The following TEX11 variants were observed in gnomAD, a reference collection of about 807,000 sequenced individuals.
TEX11 encodes testis expressed 11.
In TEX11, 7 loss-of-function variants were observed where a neutral mutation model predicts 84.4. The ratio of observed to expected loss-of-function variants is 0.08; its 90% CI spans 0.05 to 0.16. The LOEUF is 0.16. Ranked by LOEUF, TEX11 falls within the 10% of genes least tolerant of loss-of-function variation. The pLI, the probability that TEX11 is intolerant of heterozygous loss-of-function variation, is 1.00. For missense variants in TEX11, 551 were observed against 660.5 expected, an observed-to-expected ratio of 0.83 and a Z score of 1.82; for synonymous variants, 264 against 222.8, an observed-to-expected ratio of 1.18 and a Z score of -1.64.
chrX:70,639,684 T>A (rs2147581621), intron 17 of TEX11, among the ~76,000 whole-genome samples: 1 of 111,510 alleles, frequency 9.0e-6, no homozygotes, highest in South Asian at 3.8e-4. Context: ...TGCAGGGTAC[T>A]CCAGCAGACC....
chrX:70,882,398 A>C (rs5981020), intron 2 of TEX11, among the ~76,000 whole-genome samples: 18,843 of 109,958 alleles, frequency 0.17, 1,375 homozygotes, highest in Non-Finnish European at 0.22. Context: ...GCTCACTGCA[A>C]TCTCCGCCTC....
At chrX:70,590,524 G>T (rs970519531) in intron 25 of TEX11, among the ~76,000 whole-genome samples, 1 of 111,010 alleles carries the variant, frequency 9.0e-6, no homozygotes, top group East Asian at 2.8e-4. Context: ...AGAAAAATAT[G>T]ACTATCTCCA....
intron 28 of TEX11, among the ~76,000 whole-genome samples, chrX:70,531,916 T>C (rs2087893490): frequency 8.9e-6 from 1 of 111,884 alleles, no homozygotes; most frequent in African/African-American, 3.2e-5. Context: ...AGAACAAGCA[T>C]GTCTTAGGAA....
intron 4 of TEX11, among the ~76,000 whole-genome samples, chrX:70,864,716 T>C (rs1405795021): frequency 1.1e-5 from 1 of 91,511 alleles, no homozygotes; most frequent in African/African-American, 4.2e-5. Context: ...CACTCCAGCC[T>C]GGGTGACAGA....
At chrX:70,739,413 C>CTTTTTT (rs35219972) in intron 11 of TEX11, among the ~76,000 whole-genome samples, 1 of 75,153 alleles carries the variant, frequency 1.3e-5, no homozygotes, top group African/African-American at 4.8e-5. Context: ...TATTTCATTT[C>CTTTTTT]TTTTTTTTTT....
At chrX:70,645,314 A>G (rs2089728105) in intron 17 of TEX11, among the ~76,000 whole-genome samples, 1 of 110,721 alleles carries the variant, frequency 9.0e-6, no homozygotes, top group African/African-American at 3.3e-5. Context: ...AATAAAGGCC[A>G]TATATGACCA....
chrX:70,701,828 A>G (rs2090328315), intron 13 of TEX11, among the ~76,000 whole-genome samples: 1 of 111,543 alleles, frequency 9.0e-6, no homozygotes, highest in Admixed American at 9.6e-5. Context: ...GATGACTTGG[A>G]GGGGTTCAAG....
At chrX:70,609,222 C>T (rs776902404) in intron 21 of TEX11, 45 bp from the exon 22 acceptor site, 2 of 1,091,175 alleles carry the variant, frequency 1.8e-6, no homozygotes, top group Admixed American at 2.5e-5. Context: ...TTATTTTATA[C>T]TCTAGCAAAA....
intron 5 of TEX11, among the ~76,000 whole-genome samples, chrX:70,854,408 TA>T (rs1186282027): frequency 5.6e-5 from 6 of 106,769 alleles, no homozygotes; most frequent in South Asian, 4.0e-4. Flanking sequence ...AATTTGATTT[TA>T]AAAAAAAAAG....
chrX:70,808,375 C>T (rs1469463028), intron 8 of TEX11, among the ~76,000 whole-genome samples: 3 of 107,113 alleles, frequency 2.8e-5, no homozygotes, highest in African/African-American at 6.8e-5. Context: ...TGGTGGTGGG[C>T]ACCTGTAATC....
At chrX:70,741,434 G>A (rs750293771) in intron 10 of TEX11, among the ~76,000 whole-genome samples, 1 of 111,164 alleles carries the variant, frequency 9.0e-6, no homozygotes, top group South Asian at 3.8e-4. Flanking sequence ...TGGAAGTAGA[G>A]GTGGGTATTA....
At chrX:70,828,661 G>A (rs887769799) in intron 8 of TEX11, among the ~76,000 whole-genome samples, 1 of 110,488 alleles carries the variant, frequency 9.1e-6, no homozygotes, top group Admixed American at 9.7e-5. Flanking sequence ...AAAGAGCTAT[G>A]GGTAAGAAGT....
Position 70,571,057 on chromosome X carries a change from C to T in TEX11, c.2141-16257G>A, listed in dbSNP as rs149046859. On this transcript the variant is annotated intron_variant, in intron 25 of 29. Transcript: ENST00000374333. ...GTTTTGAGACAGAGTCTTTCTCTGT[C>T]GCCCAGGCTGGATTGTAGTGGCGTG... 1.1e-3 allele frequency among the ~76,000 whole-genome samples: 126 copies of T among 111,430 alleles called. 1 individual carries two copies. In the East Asian group the frequency reaches 0.026, roughly 23 times the overall value.
chrX:70,732,628 A>G lies in TEX11; in HGVS notation c.844-7285T>C, dbSNP rs775482288. 1.5e-3 allele frequency among the ~76,000 whole-genome samples: 173 copies of G among 111,657 alleles called. 1 individual carries two copies. The highest frequency in any genetic ancestry group is 5.4e-3 in the African/African-American group (167 of 30,726). On this transcript the variant is annotated intron_variant, in intron 11 of 29. Coordinates refer to ENST00000374333, the MANE Select transcript of TEX11 (RefSeq NM_031276.3). Reference sequence around the variant, plus strand: ...AGGACCTCTTCAAGAAGAAGTACAAACCACTGCTCAATGAAATAAAAGAGG... The same window carrying G: ...AGGACCTCTTCAAGAAGAAGTACAAGCCACTGCTCAATGAAATAAAAGAGG...
chrX:70,776,213 G>A (rs1447329486), intron 9 of TEX11, among the ~76,000 whole-genome samples: 2 of 111,019 alleles, frequency 1.8e-5, no homozygotes, highest in Admixed American at 9.7e-5. Flanking sequence ...ATCAACCTAA[G>A]TGTCCATCAA....
intron 28 of TEX11, among the ~76,000 whole-genome samples, chrX:70,539,041 T>A (rs866089390): frequency 0.058 from 4,928 of 85,002 alleles, 227 homozygotes; most frequent in Non-Finnish European, 0.083. Flanking sequence ...TATATATATT[T>A]TTTTTTTTTT....
At chrX:70,777,884 G>T (rs1317168630) in intron 9 of TEX11, among the ~76,000 whole-genome samples, 1 of 111,505 alleles carries the variant, frequency 9.0e-6, no homozygotes, top group Non-Finnish European at 1.9e-5. Flanking sequence ...AATGACAATA[G>T]TTAAGTCCTT....
intron 5 of TEX11, among the ~76,000 whole-genome samples, 200 bp from the exon 6 acceptor site, chrX:70,853,528 C>G (rs1247535908): frequency 4.5e-5 from 5 of 111,441 alleles, no homozygotes; most frequent in Non-Finnish European, 9.4e-5. Flanking sequence ...GTCATAAAGA[C>G]AAAAATAATA....
intron 10 of TEX11, among the ~76,000 whole-genome samples, chrX:70,743,177 T>A (rs1338612702): frequency 1.8e-5 from 2 of 112,256 alleles, no homozygotes; most frequent in Non-Finnish European, 3.8e-5. Context: ...TCACTCAGCG[T>A]AGTCTCCTCA....
Sources: gnomAD v4.1 joint callset for allele counts (sites outside exome capture counted in the v4.1 genomes callset) on GRCh38, gnomAD v4.1.1 for gene constraint, MANE v1.5 for transcripts, NCBI Gene and HGNC (gene_info 2026-07-23, HGNC 2026-07-21) for gene names.